NAALADL2: variants seen among roughly 807,000 people sequenced by gnomAD.
NAALADL2 encodes inactive N-acetylated-alpha-linked acidic dipeptidase-like protein 2.
NAALADL2 carries 76 observed loss-of-function variants against 87.2 expected under a neutral mutation model. The observed-to-expected ratio is 0.87, with a 90% CI of 0.72 to 1.05. The LOEUF (loss-of-function observed/expected upper bound fraction) is 1.05. Among genes scored for constraint, NAALADL2 ranks in the 50% least tolerant of loss-of-function variants. The pLI, the probability that NAALADL2 is intolerant of heterozygous loss-of-function variation, is 0.00. For synonymous variants in NAALADL2, 354 were observed against 331.0 expected (o/e 1.07, Z -0.75); for missense variants, 1,089 against 945.8 (o/e 1.15, Z -1.99).
intron 1 of NAALADL2, among the ~76,000 whole-genome samples, chr3:174,879,455 C>G (rs1399973460): frequency 2.0e-5 from 3 of 152,032 alleles, no homozygotes; most frequent in Non-Finnish European, 4.4e-5. Context: ...ATTATGGCCT[C>G]AAAACATACA....
At chr3:175,248,385 T>C (rs1434361157) in intron 3 of NAALADL2, among the ~76,000 whole-genome samples, 1 of 152,160 alleles carries the variant, frequency 6.6e-6, no homozygotes, top group Non-Finnish European at 1.5e-5. Flanking sequence ...AAAATATTTG[T>C]TTTTGGTGGT....
At chr3:175,201,960 C>A (rs994605419) in intron 2 of NAALADL2, among the ~76,000 whole-genome samples, 3 of 152,094 alleles carry the variant, frequency 2.0e-5, no homozygotes, top group Non-Finnish European at 4.4e-5. Context: ...CTTTATGTAT[C>A]ACTTACATGG....
chr3:175,731,585 A>G (rs774517009), intron 11 of NAALADL2, among the ~76,000 whole-genome samples: 28 of 152,184 alleles, frequency 1.8e-4, no homozygotes, highest in Non-Finnish European at 4.1e-4. Context: ...AGAGTGGGTA[A>G]GAATATGCAG....
intron 3 of NAALADL2, among the ~76,000 whole-genome samples, chr3:174,818,214 C>T (rs1721009635): frequency 6.6e-6 from 1 of 152,004 alleles, no homozygotes; most frequent in East Asian, 1.9e-4. Context: ...TCTTTGCAGC[C>T]AAATAGGGGG....
At chr3:175,548,119 A>G (rs151102462) in intron 9 of NAALADL2, among the ~76,000 whole-genome samples, 1 of 152,194 alleles carries the variant, frequency 6.6e-6, no homozygotes. Flanking sequence ...CATTGAAACA[A>G]AATTCAACAT....
At chr3:175,724,182 G>A (rs983373323) in intron 11 of NAALADL2, among the ~76,000 whole-genome samples, 15 of 152,062 alleles carry the variant, frequency 9.9e-5, no homozygotes, top group Admixed American at 5.9e-4. Context: ...GTCATATCAC[G>A]TGGTTTAACT....
intron 1 of NAALADL2, among the ~76,000 whole-genome samples, chr3:174,473,201 C>T (rs796716498): frequency 6.6e-6 from 1 of 152,182 alleles, no homozygotes; most frequent in African/African-American, 2.4e-5. Flanking sequence ...TTTTTATCCC[C>T]AACTCCTCCC....
intron 1 of NAALADL2, among the ~76,000 whole-genome samples, chr3:174,873,825 G>C (rs548017571): frequency 4.5e-4 from 68 of 151,446 alleles, no homozygotes; most frequent in African/African-American, 1.6e-3. Context: ...ATTCTGCTTG[G>C]AAGGAAACAT....
chr3:175,445,231 A>T (rs894138463), intron 5 of NAALADL2, among the ~76,000 whole-genome samples: 5 of 152,120 alleles, frequency 3.3e-5, no homozygotes, highest in South Asian at 2.1e-4. Flanking sequence ...TCTCTCCATT[A>T]TCTCTATTCT....
At chr3:174,759,804 G>C (rs1391574018) in intron 3 of NAALADL2, among the ~76,000 whole-genome samples, 2 of 151,704 alleles carry the variant, frequency 1.3e-5, no homozygotes, top group African/African-American at 2.4e-5. Context: ...AGGTTCAAGT[G>C]ATTCTCCTGC....
chr3:174,475,449 AT>A (rs1454914738), intron 1 of NAALADL2, among the ~76,000 whole-genome samples: 9 of 120,678 alleles, frequency 7.5e-5, no homozygotes, highest in Middle Eastern at 8.1e-3. Context: ...ATTTTATATA[AT>A]TGTGTAATTT....
At position 175,467,609 on chromosome 3, in the gene NAALADL2, T is replaced by C. The variant is rs1582013349; in HGVS notation, c.1533+425T>C. On this transcript the variant is annotated intron_variant, in intron 8 of 13. Coordinates refer to ENST00000454872, the MANE Select transcript of NAALADL2 (RefSeq NM_207015.3). The stretch of plus-strand genomic sequence containing the variant: ...TATTGCCTTAGCATTATATTTTCTC[T>C]CTTCAATATGGATATTGAATGTAAA... Among the ~76,000 whole-genome samples the C allele has an allele frequency of 2.0e-5, 3 of 152,302 alleles. No individual in the cohort carries two copies. The Middle Eastern group carries it at 0.01, about 518-fold the overall frequency.
chr3:174,644,357 T>C (rs944702346), intron 2 of NAALADL2, among the ~76,000 whole-genome samples: 15 of 152,212 alleles, frequency 9.9e-5, no homozygotes, highest in African/African-American at 3.4e-4. Context: ...AATATGGTTA[T>C]GAAAAGCATA....
intron 1 of NAALADL2, among the ~76,000 whole-genome samples, chr3:174,979,697 T>C (rs1744867175): frequency 1.4e-5 from 2 of 146,674 alleles, no homozygotes; most frequent in South Asian, 4.2e-4. Context: ...TAAATATATT[T>C]TTATTACCTA....
At chr3:175,131,917 G>A (rs1728010957) in intron 2 of NAALADL2, among the ~76,000 whole-genome samples, 1 of 109,648 alleles carries the variant, frequency 9.1e-6, no homozygotes, top group Non-Finnish European at 1.9e-5. Context: ...CCGGGCAGAG[G>A]GGCTCCTCAC....
intron 1 of NAALADL2, among the ~76,000 whole-genome samples, chr3:174,479,808 G>T (rs1553771511): frequency 6.6e-6 from 1 of 150,590 alleles, no homozygotes; most frequent in Non-Finnish European, 1.5e-5. Context: ...AGAATCAGGT[G>T]TTTTTTTTTC....
chr3:174,987,437 C>A (rs571307868), intron 1 of NAALADL2, among the ~76,000 whole-genome samples: 2 of 146,724 alleles, frequency 1.4e-5, no homozygotes, highest in Admixed American at 1.3e-4. Flanking sequence ...GGCGTAGTGG[C>A]GGGCGCCTGT....
chr3:175,103,086 G>A (rs1033209686), intron 2 of NAALADL2, among the ~76,000 whole-genome samples: 12 of 145,650 alleles, frequency 8.2e-5, no homozygotes, highest in South Asian at 2.1e-4. Context: ...CCAGCCAAAC[G>A]GCAGAGCGAG....
intron 9 of NAALADL2, among the ~76,000 whole-genome samples, chr3:175,535,806 C>T (rs979259826): frequency 2.0e-5 from 3 of 152,178 alleles, no homozygotes; most frequent in Admixed American, 6.5e-5. Context: ...TCCTTAAAGT[C>T]TCACCTCTTC....
Sources: gnomAD v4.1 joint callset for allele counts (sites outside exome capture counted in the v4.1 genomes callset) on GRCh38, gnomAD v4.1.1 for gene constraint, MANE v1.5 for transcripts, NCBI Gene and HGNC (gene_info 2026-07-23, HGNC 2026-07-21) for gene names.